CDK17: variants seen among roughly 807,000 people sequenced by gnomAD.
The protein encoded by CDK17 is cyclin-dependent kinase 17.
A neutral mutation model predicts 77.6 loss-of-function variants in CDK17; 24 were observed. That is an observed-to-expected ratio of 0.31 (90% confidence interval 0.22 to 0.44). The LOEUF (loss-of-function observed/expected upper bound fraction) is 0.44, where lower values mean the gene tolerates loss of function less well. Among genes scored for constraint, CDK17 ranks in the 20% least tolerant of loss-of-function variants. The probability of loss-of-function intolerance (pLI) is 1.00; values close to 1 mark genes in which losing one functional copy is unlikely to be tolerated. For synonymous variants in CDK17, 203 were observed against 210.4 expected, an observed-to-expected ratio of 0.96 and a Z score of 0.30; for missense variants, 429 against 622.5, an observed-to-expected ratio of 0.69 and a Z score of 3.31.
At chr12:96,326,833 A>T (rs2137130395) in intron 2 of CDK17, among the ~76,000 whole-genome samples, 1 of 152,280 alleles carries the variant, frequency 6.6e-6, no homozygotes, top group East Asian at 1.9e-4. Context: ...ACCAGGTGAG[A>T]CCACAGAGGT....
chr12:96,346,061 T>C (rs966868141), intron 1 of CDK17, among the ~76,000 whole-genome samples: 1 of 152,178 alleles, frequency 6.6e-6, no homozygotes, highest in Admixed American at 6.5e-5. Context: ...CAGTGGCTCA[T>C]ACCTGTAATC....
chr12:96,304,110 T>C (rs1952543665), intron 5 of CDK17, among the ~76,000 whole-genome samples: 1 of 152,212 alleles, frequency 6.6e-6, no homozygotes, highest in Non-Finnish European at 1.5e-5. Flanking sequence ...ACTGGCATTG[T>C]ATTCACCTAT....
intron 2 of CDK17, among the ~76,000 whole-genome samples, chr12:96,327,718 T>C (rs968502118): frequency 9.2e-5 from 14 of 151,838 alleles, no homozygotes; most frequent in African/African-American, 1.5e-4. Context: ...CCTGGCTAAT[T>C]TGTGTCTTTT....
chr12:96,333,474 GGT>G (rs1177155520), intron 2 of CDK17, among the ~76,000 whole-genome samples: 1 of 151,902 alleles, frequency 6.6e-6, no homozygotes, highest in African/African-American at 2.4e-5. Context: ...AGACTAGCCT[GGT>G]CAACATGGTG....
At chr12:96,342,405 T>C (rs1053248104) in intron 1 of CDK17, among the ~76,000 whole-genome samples, 1 of 152,052 alleles carries the variant, frequency 6.6e-6, no homozygotes, top group African/African-American at 2.4e-5. Flanking sequence ...CAAAGTAAAA[T>C]ACAAAAATTA....
intron 2 of CDK17, among the ~76,000 whole-genome samples, chr12:96,333,259 T>C (rs1484865024): frequency 9.9e-5 from 15 of 152,096 alleles, no homozygotes; most frequent in Admixed American, 9.2e-4. Context: ...AAAATCATGA[T>C]GTTTGAGATT....
chr12:96,365,096 A>G (rs1953561424), intron 1 of CDK17, among the ~76,000 whole-genome samples: 1 of 152,194 alleles, frequency 6.6e-6, no homozygotes, highest in Non-Finnish European at 1.5e-5. Context: ...AGAGTTTTAA[A>G]TTGTCCTTAA....
Position 96,394,798 on chromosome 12 carries a change from C to CA in CDK17, c.-30+5187dup, listed in dbSNP as rs370507826. On this transcript the variant is annotated intron_variant, in intron 1 of 16. Coordinates refer to ENST00000261211, the MANE Select transcript of CDK17 (RefSeq NM_002595.5). Reference sequence around the variant, plus strand: ...GCCAACTGAGGGAGAGACTCCGTCTCAAAAAAAAAAAAAGAAAAAAAAAAG... The same window carrying CA: ...GCCAACTGAGGGAGAGACTCCGTCTCAAAAAAAAAAAAAAGAAAAAAAAAAG... Among the ~76,000 whole-genome samples, 535 of 85,320 alleles carry CA rather than the reference C, an allele frequency of 6.3e-3. 3 individuals are homozygous for CA. Among genetic ancestry groups the CA allele is most frequent in the African/African-American group, 0.023 (442 of 19,144 alleles). 56.0% of individuals were successfully genotyped at this position (85,320 alleles called of 152,430 possible).
intron 5 of CDK17, among the ~76,000 whole-genome samples, chr12:96,305,930 C>T (rs1952571011): frequency 6.6e-6 from 1 of 152,148 alleles, no homozygotes; most frequent in African/African-American, 2.4e-5. Flanking sequence ...CTATGTTGCC[C>T]AGGCTGGTCT....
intron 5 of CDK17, among the ~76,000 whole-genome samples, chr12:96,308,536 C>T (rs1952605740): frequency 6.6e-6 from 1 of 151,776 alleles, no homozygotes; most frequent in Admixed American, 6.6e-5. Context: ...CAAGACCAGC[C>T]TGGCCAACAT....
rs1952157080 is a variant in CDK17, at chr12:96,280,170, A to C, written c.*72T>G. 1.1e-5 allele frequency: 16 copies of C among 1,456,274 alleles called. No homozygotes were observed. The South Asian group carries it at 2.1e-4, about 19-fold the overall frequency. The allele number at this position is 1,456,274 out of a possible 1,614,324, so 90.2% of individuals were successfully genotyped here. A position where few individuals can be genotyped will look rare whatever the true frequency, so the allele number is the denominator to read the frequency against. The stretch of plus-strand genomic sequence containing the variant: ...AGATTCCAAGTCCACCAAAAGAAAT[A>C]ATTGCCTTCAGTTCTGAGTCCTTGA... On this transcript the variant is annotated 3_prime_UTR_variant, in exon 17 of 17. Coordinates refer to ENST00000261211, the MANE Select transcript of CDK17 (RefSeq NM_002595.5).
At chr12:96,349,437 G>A (rs1953277396) in intron 1 of CDK17, among the ~76,000 whole-genome samples, 1 of 147,334 alleles carries the variant, frequency 6.8e-6, no homozygotes, top group Non-Finnish European at 1.5e-5. Context: ...TGGGCAACAA[G>A]AGCAAAACCC....
chr12:96,386,120 T>G (rs1002681932), intron 1 of CDK17, among the ~76,000 whole-genome samples: 1 of 151,886 alleles, frequency 6.6e-6, no homozygotes, highest in African/African-American at 2.4e-5. Flanking sequence ...TCCAGAGGAG[T>G]AGCCAGGACT....
intron 1 of CDK17, among the ~76,000 whole-genome samples, chr12:96,348,523 CAAAAAAAAAAAA>C (rs35363324): frequency 1.7e-4 from 11 of 66,364 alleles, no homozygotes; most frequent in African/African-American, 8.0e-4. Flanking sequence ...GACTCTGTCT[CAAAAAAAAAAAA>C]AAAAAAACAA....
rs539104287 is a variant in CDK17 at position 96,363,071 on chromosome 12, GA to G, written c.-29-28207del. On this transcript the variant is annotated intron_variant, in intron 1 of 16. Transcript: ENST00000261211. ...AAGATAATTACAGAAATGACTCACA[GA>G]TATACACTCTATATATCTAATCAAA... 5.9e-5 allele frequency among the ~76,000 whole-genome samples: 9 copies of G among 152,226 alleles called. No individual in the cohort carries two copies. The South Asian group carries it at 1.7e-3, about 28-fold the overall frequency.
At chr12:96,312,683 C>T (rs868217936) in intron 4 of CDK17, among the ~76,000 whole-genome samples, 3 of 152,068 alleles carry the variant, frequency 2.0e-5, no homozygotes, top group African/African-American at 7.2e-5. Flanking sequence ...TTGCAGAAAC[C>T]TATTTTAGTT....
At chr12:96,358,010 C>A (rs1297461420) in intron 1 of CDK17, among the ~76,000 whole-genome samples, 1 of 151,998 alleles carries the variant, frequency 6.6e-6, no homozygotes, top group Non-Finnish European at 1.5e-5. Context: ...GAATGAACTA[C>A]AACCACATGC....
rs1459082618 is a variant in CDK17, at chr12:96,400,039, G to A, written c.-83C>T. On this transcript the variant is annotated 5_prime_UTR_variant, in exon 1 of 17. Transcript: ENST00000261211. The stretch of plus-strand genomic sequence containing the variant: ...GGCGAGGCGAAGAGAGGCGCGGGGG[G>A]AAGCTGCTCCGCGGACGCCCGCGGC... 1.6e-5 allele frequency: 6 copies of A among 386,614 alleles called. No homozygotes were observed. The highest frequency in any genetic ancestry group is 6.4e-4 in the Middle Eastern group (1 of 1,558). 23.9% of individuals were successfully genotyped at this position (386,614 alleles called of 1,614,324 possible).
At chr12:96,336,195 C>T (rs1953038414) in intron 1 of CDK17, among the ~76,000 whole-genome samples, 1 of 152,062 alleles carries the variant, frequency 6.6e-6, no homozygotes, top group Admixed American at 6.6e-5. Context: ...GGCATAGTAG[C>T]TCATGCTTGT....
Sources: allele counts gnomAD v4.1 joint callset (sites outside exome capture counted in the v4.1 genomes callset), GRCh38; gene constraint gnomAD v4.1.1; transcripts MANE v1.5; gene names NCBI Gene and HGNC (gene_info 2026-07-23, HGNC 2026-07-21).